Variants in CADM1 observed in about 807,000 individuals in gnomAD.
CADM1 encodes cell adhesion molecule 1, also known as TSLC-1.
A neutral mutation model predicts 53.1 loss-of-function variants in CADM1; 15 were observed. That is an observed-to-expected ratio of 0.28 (90% confidence interval 0.19 to 0.44). The LOEUF is 0.44. Ranked by LOEUF, CADM1 falls within the 20% of genes least tolerant of loss-of-function variation. The pLI is 1.00. For missense variants in CADM1, 434 were observed against 611.3 expected (o/e 0.71, Z 3.06); for synonymous variants, 281 against 243.0 (o/e 1.16, Z -1.45).
At chr11:115,317,810 C>A (rs144701219) in intron 1 of CADM1, among the ~76,000 whole-genome samples, 1 of 152,144 alleles carries the variant, frequency 6.6e-6, no homozygotes, top group Non-Finnish European at 1.5e-5. Context: ...TATTTCATAG[C>A]AGCAATTATT....
At chr11:115,355,280 TA>T (rs1945836165) in intron 1 of CADM1, among the ~76,000 whole-genome samples, 1 of 152,156 alleles carries the variant, frequency 6.6e-6, no homozygotes, top group Admixed American at 6.6e-5. Flanking sequence ...TATGCAGCTA[TA>T]AAAAAGAATG....
chr11:115,290,854 T>C (rs1303515260), intron 1 of CADM1, among the ~76,000 whole-genome samples: 18 of 152,236 alleles, frequency 1.2e-4, no homozygotes, highest in African/African-American at 4.3e-4. Flanking sequence ...TAAAAAACTC[T>C]ATATTTAAAT....
chr11:115,318,404 G>A (rs1441960324), intron 1 of CADM1, among the ~76,000 whole-genome samples: 1 of 152,092 alleles, frequency 6.6e-6, no homozygotes, highest in Non-Finnish European at 1.5e-5. Context: ...GTTTCCTCAA[G>A]TTTCAACTTG....
intron 1 of CADM1, among the ~76,000 whole-genome samples, chr11:115,288,261 A>G (rs537076209): frequency 1.6e-4 from 25 of 152,292 alleles, no homozygotes; most frequent in Middle Eastern, 6.8e-3. Context: ...GGTCATCTAG[A>G]ATTCTAGCAG....
chr11:115,415,358 T>G (rs977298863), intron 1 of CADM1, among the ~76,000 whole-genome samples: 5 of 152,194 alleles, frequency 3.3e-5, no homozygotes, highest in Non-Finnish European at 7.3e-5. Flanking sequence ...CATTCATATA[T>G]TATATACTGA....
chr11:115,218,359 TTATCATA>T (rs1213792225), intron 5 of CADM1, among the ~76,000 whole-genome samples: 3 of 152,190 alleles, frequency 2.0e-5, no homozygotes, highest in South Asian at 4.1e-4. Context: ...TTGATACATT[TTATCATA>T]TATCATATAT....
intron 5 of CADM1, among the ~76,000 whole-genome samples, chr11:115,219,500 G>A (rs373112802): frequency 7.9e-5 from 12 of 152,170 alleles, no homozygotes; most frequent in Non-Finnish European, 8.8e-5. Flanking sequence ...GCCAGAGAAC[G>A]TAAAGTTAAC....
intron 5 of CADM1, among the ~76,000 whole-genome samples, chr11:115,223,551 G>C (rs940903820): frequency 1.3e-5 from 2 of 152,090 alleles, no homozygotes; most frequent in Non-Finnish European, 2.9e-5. Flanking sequence ...GAGAGGAGGT[G>C]GTTCTTAGTA....
chr11:115,215,649 A>G (rs369159279), intron 6 of CADM1, among the ~76,000 whole-genome samples: 1 of 152,236 alleles, frequency 6.6e-6, no homozygotes, highest in African/African-American at 2.4e-5. Flanking sequence ...ATCAGGAAAA[A>G]GCAAATTTCA....
At chr11:115,290,871 A>T (rs1266639857) in intron 1 of CADM1, among the ~76,000 whole-genome samples, 1 of 152,182 alleles carries the variant, frequency 6.6e-6, no homozygotes, top group Non-Finnish European at 1.5e-5. Context: ...AAATATCTAA[A>T]CATCAAATTG....
intron 1 of CADM1, among the ~76,000 whole-genome samples, chr11:115,329,116 A>C (rs1945064465): frequency 6.6e-6 from 1 of 152,080 alleles, no homozygotes; most frequent in Non-Finnish European, 1.5e-5. Flanking sequence ...TAAATGAAGG[A>C]CAAATAATTT....
chr11:115,485,117 G>A (rs1038627498), intron 1 of CADM1, among the ~76,000 whole-genome samples: 2 of 152,002 alleles, frequency 1.3e-5, no homozygotes, highest in South Asian at 4.1e-4. Flanking sequence ...TGATTCTTCT[G>A]CACCTTGGTT....
In CADM1 at chr11:115,174,465, T is replaced by C. The variant is rs935293358; in HGVS notation, c.*2009A>G. ...GGGATGTTCATTGTGGCTTTTTGTC[T>C]TGGTTAAGTGCCTAGGGATAGGGGA... On this transcript the variant is annotated 3_prime_UTR_variant, in exon 12 of 12. Coordinates refer to ENST00000331581, the MANE Select transcript of CADM1 (RefSeq NM_001301043.2). 3.1e-4 allele frequency: 301 copies of C among 985,686 alleles called. 2 individuals carry two copies. Among genetic ancestry groups the C allele is most frequent in the Admixed American group, 3.1e-4 (5 of 16,264 alleles). 61.1% of individuals were successfully genotyped at this position (985,686 alleles called of 1,614,324 possible).
intron 10 of CADM1, among the ~76,000 whole-genome samples, chr11:115,189,809 T>TC (rs1939757779): frequency 2.6e-5 from 4 of 152,172 alleles, no homozygotes. Flanking sequence ...TCCTGGAGCT[T>TC]CCAGTCTGTA....
chr11:115,414,835 A>AG (rs1947553407), intron 1 of CADM1, among the ~76,000 whole-genome samples: 2 of 140 alleles, frequency 0.014, no homozygotes, highest in Non-Finnish European at 0.024. Context: ...TTAAATATAA[A>AG]AGGTATTCCT....
chr11:115,416,653 T>C (rs1425869144), intron 1 of CADM1, among the ~76,000 whole-genome samples: 1 of 151,282 alleles, frequency 6.6e-6, no homozygotes, highest in Non-Finnish European at 1.5e-5. Context: ...CATCCAAGAC[T>C]GTAGCCTCAA....
chr11:115,257,995 T>G (rs1160956217), intron 1 of CADM1, among the ~76,000 whole-genome samples: 3 of 152,218 alleles, frequency 2.0e-5, no homozygotes, highest in African/African-American at 7.2e-5. Context: ...GCATACGTAA[T>G]CTAATTGAAT....
chr11:115,185,880 G>A (rs1365784361), intron 10 of CADM1, among the ~76,000 whole-genome samples: 1 of 152,166 alleles, frequency 6.6e-6, no homozygotes, highest in African/African-American at 2.4e-5. Context: ...TGGACCTCAG[G>A]CATTTGGGGG....
At chr11:115,388,150 T>A (rs1946745623) in intron 1 of CADM1, among the ~76,000 whole-genome samples, 1 of 151,960 alleles carries the variant, frequency 6.6e-6, no homozygotes, top group East Asian at 1.9e-4. Flanking sequence ...AGTAGTGAAC[T>A]ATACACCACT....
Sources: gnomAD v4.1 joint callset for allele counts (sites outside exome capture counted in the v4.1 genomes callset) on GRCh38, gnomAD v4.1.1 for gene constraint, MANE v1.5 for transcripts, NCBI Gene and HGNC (gene_info 2026-07-23, HGNC 2026-07-21) for gene names.